Variants in DROSHA observed in about 807,000 individuals in gnomAD.
DROSHA encodes the protein drosha ribonuclease III, also known as ribonuclease 3.
In DROSHA, 56 loss-of-function variants were observed where a neutral mutation model predicts 181.9. The ratio of observed to expected loss-of-function variants is 0.31; its 90% CI spans 0.25 to 0.38. The LOEUF is 0.38. Ranked by LOEUF, DROSHA falls within the 10% of genes least tolerant of loss-of-function variation. DROSHA has a pLI of 1.00. For synonymous variants in DROSHA, 524 were observed against 591.2 expected, an observed-to-expected ratio of 0.89 and a Z score of 1.65; for missense variants, 1,218 against 1,743.5, an observed-to-expected ratio of 0.70 and a Z score of 5.37.
chr5:31,509,502 G>A (rs367733104), intron 9 of DROSHA, among the ~76,000 whole-genome samples: 34 of 152,182 alleles, frequency 2.2e-4, no homozygotes, highest in African/African-American at 8.0e-4. Flanking sequence ...GATGGGAGAA[G>A]CATGATAAGG....
chr5:31,469,683 A>G (rs1400432642), intron 17 of DROSHA, among the ~76,000 whole-genome samples: 1 of 142,026 alleles, frequency 7.0e-6, no homozygotes, highest in African/African-American at 2.4e-5. Flanking sequence ...CCAACACAGG[A>G]AACAGTGATT....
chr5:31,525,329 C>CAAAAAA (rs34043904), intron 5 of DROSHA, among the ~76,000 whole-genome samples: 2 of 46,048 alleles, frequency 4.3e-5, no homozygotes, highest in South Asian at 1.4e-3. Flanking sequence ...GACTTCATCT[C>CAAAAAA]AAAAAAAAAA....
chr5:31,447,304 G>A (rs1467752943), intron 23 of DROSHA, among the ~76,000 whole-genome samples: 1 of 152,140 alleles, frequency 6.6e-6, no homozygotes, highest in African/African-American at 2.4e-5. Flanking sequence ...ATACTTGGGT[G>A]ATAAAAAATC....
chr5:31,416,143 G>A (rs1741920574), intron 30 of DROSHA, among the ~76,000 whole-genome samples: 1 of 152,210 alleles, frequency 6.6e-6, no homozygotes, highest in Non-Finnish European at 1.5e-5. Context: ...GCCTCCCAAT[G>A]TGAATTACTG....
Position 31,423,018 on chromosome 5 carries a change from A to G in DROSHA, c.3262-74T>C, listed in dbSNP as rs111645242. The G allele has an allele frequency of 8.1e-5, 105 of 1,289,490 alleles. No homozygotes were observed. In the African/African-American group the frequency reaches 1.4e-3, roughly 17 times the overall value. The allele number at this position is 1,289,490 out of a possible 1,614,324, so 79.9% of individuals were successfully genotyped here. On this transcript the variant is annotated intron_variant, in intron 28 of 35. Transcript: ENST00000344624. ...TAAGTGCAATGATCAATTCTAGGAC[A>G]GTGTTTTGTAAAATTCCTTCTCCCA...
intron 16 of DROSHA, among the ~76,000 whole-genome samples, chr5:31,480,528 T>C (rs1750917011): frequency 6.6e-6 from 1 of 152,056 alleles, no homozygotes; most frequent in South Asian, 2.1e-4. Context: ...GATGGTCATA[T>C]TCACTTTGTA....
chr5:31,485,635 TAAAAAA>T (rs10523474), intron 14 of DROSHA, among the ~76,000 whole-genome samples: 1 of 136,034 alleles, frequency 7.4e-6, no homozygotes, highest in Non-Finnish European at 1.5e-5. Context: ...AAAAGGAAGT[TAAAAAA>T]AAAAAAAAAC....
At chr5:31,525,329 C>CA (rs34043904) in intron 5 of DROSHA, among the ~76,000 whole-genome samples, 31,863 of 46,028 alleles carry the variant, frequency 0.69, 11,572 homozygotes, top group Non-Finnish European at 0.76. Flanking sequence ...GACTTCATCT[C>CA]AAAAAAAAAA....
chr5:31,479,871 G>T (rs1021374606), intron 16 of DROSHA, among the ~76,000 whole-genome samples: 1 of 151,818 alleles, frequency 6.6e-6, no homozygotes, highest in African/African-American at 2.4e-5. Context: ...TGGAATTCTG[G>T]CTGTGTGTAT....
chr5:31,414,828 T>TC (rs1741756421), intron 30 of DROSHA, among the ~76,000 whole-genome samples: 2 of 152,298 alleles, frequency 1.3e-5, no homozygotes, highest in African/African-American at 2.4e-5. Flanking sequence ...TCCTCAAAAT[T>TC]CCCCATTTTA....
At chr5:31,405,341 C>T (rs1579968178) in intron 35 of DROSHA, among the ~76,000 whole-genome samples, 1 of 150,920 alleles carries the variant, frequency 6.6e-6, no homozygotes, top group East Asian at 1.9e-4. Context: ...TGCCACTGCA[C>T]TCCAGCCTGG....
chr5:31,459,893 CTTTT>C (rs886897407), intron 20 of DROSHA, among the ~76,000 whole-genome samples: 1 of 151,428 alleles, frequency 6.6e-6, no homozygotes, highest in African/African-American at 2.4e-5. Context: ...CCTGTGCTTC[CTTTT>C]TTTTTCCTTA....
At position 31,508,758 on chromosome 5, in the gene DROSHA, C is replaced by T. The variant is rs928405820; in HGVS notation, c.1450G>A (p.Glu484Lys). 3.1e-6 allele frequency: 5 copies of T among 1,613,628 alleles called. No individual in the cohort carries two copies. The highest frequency in any genetic ancestry group is 2.2e-5 in the South Asian group (2 of 91,032). The change falls in exon 10 of 36, where the codon GAG becomes AAG. Residue 484 changes from glutamate to lysine, a missense_variant. Glu to Lys is a moderately conservative substitution (Grantham distance 56). This residue lies in a region of DROSHA where 460 missense variants were observed against 774.2 expected (regional missense o/e 0.59). Coordinates refer to ENST00000344624, the MANE Select transcript of DROSHA (RefSeq NM_001382508.1). Reference sequence around the variant, plus strand: ...GTGCTGTCCTCATCAGACTCACACTCGGATTCACTGGAACTCTCTAACAGG... The same window carrying T: ...GTGCTGTCCTCATCAGACTCACACTTGGATTCACTGGAACTCTCTAACAGG... ...DEDLESSSESECESDEDSTCS... is the reference protein window; with the variant it reads ...DEDLESSSESKCESDEDSTCS...
At chr5:31,511,364 T>TA (rs1738645718) in intron 8 of DROSHA, among the ~76,000 whole-genome samples, 188 bp from the exon 9 acceptor site, 1 of 152,198 alleles carries the variant, frequency 6.6e-6, no homozygotes, top group Non-Finnish European at 1.5e-5. Flanking sequence ...AACACACACT[T>TA]ATCGCTGACA....
At chr5:31,513,707 T>C (rs1738950326) in intron 8 of DROSHA, among the ~76,000 whole-genome samples, 1 of 152,076 alleles carries the variant, frequency 6.6e-6, no homozygotes, top group Non-Finnish European at 1.5e-5. Context: ...AAATTCCAAA[T>C]AACACAACTC....
rs1740669858 is a variant in DROSHA at position 31,526,953 on chromosome 5, A to T, written c.21-41T>A. On this transcript the variant is annotated intron_variant, in intron 4 of 35. Transcript: ENST00000344624. ...GAAAAAGGGAAAAGTTTTTTTAAAA[A>T]ATAATTCTTACTATGTAAACAGGGT... is the stretch of plus-strand genomic sequence containing the variant. 4.5e-6 allele frequency: 7 copies of T among 1,551,620 alleles called. No homozygotes were observed. In the East Asian group the frequency reaches 1.6e-4, roughly 36 times the overall value.
Position 31,522,740 on chromosome 5 carries a change from G to A in DROSHA, c.855-1525C>T, listed in dbSNP as rs1026634822. Reference sequence around the variant, plus strand: ...CAAGGTCAGCCATGAGAATTCTTGCGTGGTAGCACTCCCTAGCTAGGTGAA... The same window carrying A: ...CAAGGTCAGCCATGAGAATTCTTGCATGGTAGCACTCCCTAGCTAGGTGAA... On this transcript the variant is annotated intron_variant, in intron 5 of 35. Coordinates refer to ENST00000344624, the MANE Select transcript of DROSHA (RefSeq NM_001382508.1). Among the ~76,000 whole-genome samples, 54 of 152,148 alleles carry A rather than the reference G, an allele frequency of 3.5e-4. 1 individual carries two copies. Among genetic ancestry groups the A allele is most frequent in the African/African-American group, 2.7e-4 (11 of 41,424 alleles).
chr5:31,474,029 G>A (rs543832581), intron 16 of DROSHA, among the ~76,000 whole-genome samples: 20 of 152,214 alleles, frequency 1.3e-4, no homozygotes, highest in African/African-American at 3.9e-4. Flanking sequence ...AGCTCTAGGC[G>A]CTCAGGAAGC....
intron 24 of DROSHA, among the ~76,000 whole-genome samples, chr5:31,436,639 C>T (rs1046226448): frequency 2.0e-5 from 3 of 152,000 alleles, no homozygotes; most frequent in Admixed American, 1.3e-4. Flanking sequence ...GTGATCCACC[C>T]GCCTTGGCCT....
Sources: allele counts gnomAD v4.1 joint callset (sites outside exome capture counted in the v4.1 genomes callset), GRCh38; gene constraint gnomAD v4.1.1; regional missense constraint gnomAD v4.1.1; transcripts MANE v1.5; gene names NCBI Gene and HGNC (gene_info 2026-07-23, HGNC 2026-07-21).